Variants in GLIS3 observed in about 807,000 individuals in gnomAD.
GLIS3 encodes the protein zinc finger protein GLIS3.
Under a neutral mutation model 78.6 loss-of-function variants are expected in GLIS3, and 53 were observed. The observed-to-expected ratio is 0.67, with a 90% CI of 0.54 to 0.85. The LOEUF is 0.85. GLIS3 is among the 40% of genes least tolerant of loss of function. The pLI is 0.00. For missense variants in GLIS3, 1,703 were observed against 1,231.1 expected, an observed-to-expected ratio of 1.38 and a Z score of -5.74; for synonymous variants, 684 against 509.9, an observed-to-expected ratio of 1.34 and a Z score of -4.60.
intron 6 of GLIS3, among the ~76,000 whole-genome samples, chr9:3,931,525 G>T (rs1023743999): frequency 6.6e-6 from 1 of 152,064 alleles, no homozygotes; most frequent in Non-Finnish European, 1.5e-5. Flanking sequence ...CACTCAAAAA[G>T]CCAAGATCAG....
intron 2 of GLIS3, among the ~76,000 whole-genome samples, chr9:4,132,303 T>G (rs1833037766): frequency 6.6e-6 from 1 of 152,226 alleles, no homozygotes; most frequent in South Asian, 2.1e-4. Flanking sequence ...TAGTAGGGAA[T>G]GCAAACGTTT....
chr9:3,859,629 C>T (rs1026120792), intron 8 of GLIS3, among the ~76,000 whole-genome samples: 3 of 152,152 alleles, frequency 2.0e-5, no homozygotes, highest in African/African-American at 7.2e-5. Flanking sequence ...TACAGCGTGT[C>T]CAAGAGCCAG....
chr9:4,177,976 A>T (rs952611609), intron 2 of GLIS3, among the ~76,000 whole-genome samples: 1 of 152,234 alleles, frequency 6.6e-6, no homozygotes, highest in African/African-American at 2.4e-5. Context: ...CTTCCAGCTG[A>T]AACTGAGTGT....
chr9:4,114,881 G>A (rs999791843), intron 4 of GLIS3, among the ~76,000 whole-genome samples: 5 of 152,208 alleles, frequency 3.3e-5, no homozygotes, highest in Non-Finnish European at 7.4e-5. Context: ...CTTCCAGTAA[G>A]TTAACCAAAT....
rs536517176 is a variant in GLIS3 at position 4,199,446 on chromosome 9, C to CATATATAAGTTATATATAAGTTTAT, written c.389-73530_389-73506dup. 2.4e-3 allele frequency among the ~76,000 whole-genome samples: 363 copies of CATATATAAGTTATATATAAGTTTAT among 149,636 alleles called. 2 individuals carry two copies. The highest frequency in any genetic ancestry group is 8.3e-3 in the African/African-American group (338 of 40,822). On this transcript the variant is annotated intron_variant, in intron 2 of 10. Coordinates refer to ENST00000381971, the MANE Select transcript of GLIS3 (RefSeq NM_001042413.2). ...TATAAAACAGACTTTTATAACATAT[C>CATATATAAGTTATATATAAGTTTAT]ATATATAAGTTATATATAAGTTTAT...
chr9:3,975,991 A>G (rs1396384281), intron 4 of GLIS3, among the ~76,000 whole-genome samples: 2 of 152,156 alleles, frequency 1.3e-5, no homozygotes, highest in Admixed American at 1.3e-4. Context: ...TCAGCAGCCA[A>G]TCAGGTCCTG....
At chr9:4,116,951 C>T (rs1317913378) in intron 4 of GLIS3, among the ~76,000 whole-genome samples, 3 of 152,140 alleles carry the variant, frequency 2.0e-5, no homozygotes, top group Non-Finnish European at 2.9e-5. Flanking sequence ...CTGAGGGTTT[C>T]TGTGAGGTGT....
At chr9:4,455,559 A>C in the GLIS3 span, among the ~76,000 whole-genome samples, 1 of 152,184 alleles carries the variant, frequency 6.6e-6, no homozygotes, top group Non-Finnish European at 1.5e-5. Flanking sequence ...GAGCGGATGA[A>C]CTTGCCTCTA....
rs141295518 is a variant in GLIS3, at chr9:4,064,544, C to T, written c.1710+53224G>A. Among the ~76,000 whole-genome samples the T allele has an allele frequency of 4.8e-3, 738 of 152,272 alleles. 5 individuals carry two copies. The highest frequency in any genetic ancestry group is 6.8e-3 in the Admixed American group (104 of 15,288). ...TTATAATAATGGTTATGCAAGTTCA[C>T]ATCCCAAGGCCGAGGCAGGCAGTTC... On this transcript the variant is annotated intron_variant, in intron 4 of 10. Coordinates refer to ENST00000381971, the MANE Select transcript of GLIS3 (RefSeq NM_001042413.2).
chr9:3,941,054 C>T (rs868581218), intron 4 of GLIS3, among the ~76,000 whole-genome samples: 9 of 152,202 alleles, frequency 5.9e-5, no homozygotes, highest in African/African-American at 2.2e-4. Flanking sequence ...GCCCAGCCAT[C>T]TGACTGCTAA....
intron 4 of GLIS3, chr9:4,034,955 C>G (rs1423350877): frequency 1.3e-5 from 2 of 152,092 alleles, no homozygotes; most frequent in African/African-American, 2.4e-5. Flanking sequence ...AGGAGGGTGC[C>G]TGACTTCACC....
intron 6 of GLIS3, among the ~76,000 whole-genome samples, chr9:3,907,605 A>ACAC (rs1823802742): frequency 3.5e-4 from 32 of 92,238 alleles, no homozygotes; most frequent in Non-Finnish European, 4.1e-4. Flanking sequence ...CCACCCCCCA[A>ACAC]ACACACACAC....
At chr9:4,160,927 G>A (rs1043504251) in intron 2 of GLIS3, among the ~76,000 whole-genome samples, 3 of 152,074 alleles carry the variant, frequency 2.0e-5, no homozygotes, top group Non-Finnish European at 2.9e-5. Context: ...AGAGGATACT[G>A]CTTTTATGAA....
At chr9:3,946,097 C>G (rs374254151) in intron 4 of GLIS3, among the ~76,000 whole-genome samples, 6 of 152,232 alleles carry the variant, frequency 3.9e-5, no homozygotes, top group Non-Finnish European at 8.8e-5. Context: ...CTCTTGGAAG[C>G]CTTCCTTTAG....
chr9:4,037,426 C>T (rs934498123), intron 4 of GLIS3, among the ~76,000 whole-genome samples: 2 of 152,140 alleles, frequency 1.3e-5, no homozygotes, highest in Non-Finnish European at 2.9e-5. Flanking sequence ...TACATTTTTA[C>T]CTGAGCAAGG....
chr9:4,273,239 T>C (rs1423595450), intron 2 of GLIS3, among the ~76,000 whole-genome samples: 3 of 152,174 alleles, frequency 2.0e-5, no homozygotes, highest in Non-Finnish European at 4.4e-5. Context: ...CTATACTACC[T>C]CACACAGATG....
At chr9:4,176,586 G>C (rs1451300437) in intron 2 of GLIS3, among the ~76,000 whole-genome samples, 2 of 151,820 alleles carry the variant, frequency 1.3e-5, no homozygotes, top group Non-Finnish European at 2.9e-5. Flanking sequence ...ACACTGCAAA[G>C]AACATCTCTA....
chr9:3,923,892 C>T (rs1007097260), intron 6 of GLIS3, among the ~76,000 whole-genome samples: 1 of 152,224 alleles, frequency 6.6e-6, no homozygotes, highest in Non-Finnish European at 1.5e-5. Context: ...AATCCCACCA[C>T]TTTGGGAGGC....
the GLIS3 span, among the ~76,000 whole-genome samples, chr9:4,368,085 C>G: frequency 2.0e-5 from 3 of 152,188 alleles, no homozygotes; most frequent in African/African-American, 7.2e-5. Flanking sequence ...TTATTCATGT[C>G]AATGAACGTA....
Sources: gnomAD v4.1 joint callset for allele counts (sites outside exome capture counted in the v4.1 genomes callset) on GRCh38, gnomAD v4.1.1 for gene constraint, MANE v1.5 for transcripts, NCBI Gene and HGNC (gene_info 2026-07-23, HGNC 2026-07-21) for gene names.